The following UACA variants were observed in gnomAD, a reference collection of about 807,000 sequenced individuals.
UACA encodes the protein nuclear membrane binding protein.
In UACA, 112 loss-of-function variants were observed where a neutral mutation model predicts 160.5. That is an observed-to-expected ratio of 0.70 (90% CI 0.60 to 0.82). The LOEUF (loss-of-function observed/expected upper bound fraction) is 0.82, where lower values mean the gene tolerates loss of function less well. Among genes scored for constraint, UACA ranks in the 40% least tolerant of loss-of-function variants. UACA has a pLI of 0.00. For missense variants in UACA, 1,574 were observed against 1,614.6 expected, an observed-to-expected ratio of 0.97 and a Z score of 0.43; for synonymous variants, 557 against 568.4, an observed-to-expected ratio of 0.98 and a Z score of 0.29.
chr15:70,753,969 C>T (rs2030249617), intron 1 of UACA: 1 of 368,376 alleles, frequency 2.7e-6, no homozygotes, highest in South Asian at 2.0e-5. Context: ...CCATGCCTGG[C>T]TAATTTTTGT....
chr15:70,716,102 G>A (rs941857825), intron 1 of UACA, among the ~76,000 whole-genome samples: 5 of 152,094 alleles, frequency 3.3e-5, no homozygotes, highest in African/African-American at 1.2e-4. Flanking sequence ...CCTTGAATCC[G>A]GCCTGGACTT....
At chr15:70,688,372 A>C (rs1451295189) in intron 5 of UACA, among the ~76,000 whole-genome samples, 1 of 152,132 alleles carries the variant, frequency 6.6e-6, no homozygotes, top group Non-Finnish European at 1.5e-5. Flanking sequence ...ATTAGGAAAA[A>C]TTATTGTTAA....
intron 1 of UACA, among the ~76,000 whole-genome samples, chr15:70,742,753 TTTTG>T (rs1337630756): frequency 1.3e-5 from 2 of 152,246 alleles, no homozygotes; most frequent in Non-Finnish European, 2.9e-5. Context: ...ATAATTTTTA[TTTTG>T]TTTTTTTCAC....
chr15:70,671,065 CTTGT>C lies in UACA; in HGVS notation c.1191_1194del (p.Gln398ValfsTer25), dbSNP rs1297344563. On this transcript the variant is annotated frameshift_variant, in exon 15 of 19. Transcript: ENST00000322954. LOFTEE classifies it high-confidence loss of function. ...TGTGAGTCTGCCATATACATCTGACCTTGTTTAAGAAGCATATCTTCTTTTCCTA... is the reference window on the plus strand; with the variant it reads ...TGTGAGTCTGCCATATACATCTGACCTTAAGAAGCATATCTTCTTTTCCTA... The C allele has an allele frequency of 1.9e-6, 3 of 1,590,426 alleles. No individual in the cohort carries two copies. Among genetic ancestry groups the C allele is most frequent in the Non-Finnish European group, 2.6e-6 (3 of 1,168,230 alleles).
Position 70,685,787 on chromosome 15 carries a change from CT to C in UACA, c.603-1342del, listed in dbSNP as rs954595843. Among the ~76,000 whole-genome samples the C allele has an allele frequency of 8.0e-4, 117 of 146,628 alleles. 1 individual carries two copies. Among genetic ancestry groups the C allele is most frequent in the Middle Eastern group, 3.6e-3 (1 of 280 alleles). On this transcript the variant is annotated intron_variant, in intron 7 of 18. Coordinates refer to ENST00000322954, the MANE Select transcript of UACA (RefSeq NM_018003.4). ...TCTGTGATCCTAAAATTAAATTTAA[CT>C]TTTTTTTTTTTGAGACAAGAGTCTC... is the stretch of plus-strand genomic sequence containing the variant.
chr15:70,660,204 G>A lies in UACA; in HGVS notation c.4126C>T (p.Gln1376Ter). ...TAAATTGCAATTACTTCTTGGTGCT[G>A]TCTGTCAGCATCCTAGAAATGTGGA... ...LEQQLADADR[Q>*]HQEVIAIYRT... Residue 1376 changes from glutamine (Q) to a stop codon, truncating the protein, a stop_gained, in exon 18 of 19, where the codon CAG becomes TAG. Coordinates refer to ENST00000322954, the MANE Select transcript of UACA (RefSeq NM_018003.4). LOFTEE classifies it high-confidence loss of function. 1 of 1,613,418 alleles carries A rather than the reference G, an allele frequency of 6.2e-7. No homozygotes were observed. Among genetic ancestry groups the A allele is most frequent in the Non-Finnish European group, 8.5e-7 (1 of 1,179,552 alleles).
Position 70,763,462 on chromosome 15 carries a change from C to A in UACA, c.-55G>T. ...CCTTAAAGGCTGCGGAGTGCCAGCGCGCAAGGAGTAGACGGCAGCGGCTGC... is the reference window on the plus strand; with the variant it reads ...CCTTAAAGGCTGCGGAGTGCCAGCGAGCAAGGAGTAGACGGCAGCGGCTGC... On this transcript the variant is annotated 5_prime_UTR_variant, in exon 1 of 19. Coordinates refer to ENST00000322954, the MANE Select transcript of UACA (RefSeq NM_018003.4). 7.8e-7 allele frequency: 1 copy of A among 1,274,812 alleles called. No individual in the cohort carries two copies. Among genetic ancestry groups the A allele is most frequent in the Non-Finnish European group, 1.0e-6 (1 of 1,001,862 alleles). The allele number at this position is 1,274,812 out of a possible 1,614,324, so 79.0% of individuals were successfully genotyped here.
chr15:70,659,261 G>C (rs1896592554), intron 18 of UACA, among the ~76,000 whole-genome samples: 1 of 151,446 alleles, frequency 6.6e-6, no homozygotes, highest in Non-Finnish European at 1.5e-5. Flanking sequence ...AGAAGAGGCA[G>C]GTCTATTGAT....
chr15:70,667,691 A>G lies in UACA; in HGVS notation c.2993T>C (p.Phe998Ser). 1 of 1,613,590 alleles carries G rather than the reference A, an allele frequency of 6.2e-7. No homozygotes were observed. Among genetic ancestry groups the G allele is most frequent in the Middle Eastern group, 1.7e-4 (1 of 6,058 alleles). ...IVSFEECERK[F>S]KATEKELKDQ... ...TTTTAGTTCTTTCTCTGTTGCTTTAAATTTTCTCTCGCACTCCTCAAAGCT... is the reference window on the plus strand; with the variant it reads ...TTTTAGTTCTTTCTCTGTTGCTTTAGATTTTCTCTCGCACTCCTCAAAGCT... The change falls in exon 16 of 19, where the codon TTT becomes TCT. Residue 998 changes from phenylalanine (F) to serine (S), a missense_variant. Transcript: ENST00000322954.
chr15:70,720,199 C>T (rs1389431093), intron 1 of UACA, among the ~76,000 whole-genome samples: 4 of 152,152 alleles, frequency 2.6e-5, no homozygotes, highest in African/African-American at 9.7e-5. Flanking sequence ...TTTACTGAGG[C>T]CTCTCCAGAA....
At chr15:70,756,706 C>G (rs1448015677) in intron 1 of UACA, among the ~76,000 whole-genome samples, 1 of 152,072 alleles carries the variant, frequency 6.6e-6, no homozygotes, top group Non-Finnish European at 1.5e-5. Context: ...AACCCTGTCT[C>G]TACCAAAAAT....
chr15:70,662,078 T>C (rs985472697), intron 17 of UACA, among the ~76,000 whole-genome samples: 52 of 152,308 alleles, frequency 3.4e-4, no homozygotes, highest in African/African-American at 1.2e-3. Flanking sequence ...ATTGTCCCTG[T>C]TTGCAGATGA....
At chr15:70,776,123 G>A in the UACA span, among the ~76,000 whole-genome samples, 1 of 152,102 alleles carries the variant, frequency 6.6e-6, no homozygotes, top group South Asian at 2.1e-4. Flanking sequence ...GCATTCTTTT[G>A]TCACCTCCAA....
chr15:70,777,058 G>A, the UACA span, among the ~76,000 whole-genome samples: 1 of 152,208 alleles, frequency 6.6e-6, no homozygotes, highest in African/African-American at 2.4e-5. Flanking sequence ...ATCCAGGTGA[G>A]AAGCAATGGT....
In UACA at chr15:70,736,082, T is replaced by C. The variant is rs544885766; in HGVS notation, c.78+27248A>G. Among the ~76,000 whole-genome samples, 3 of 152,368 alleles carry C rather than the reference T, an allele frequency of 2.0e-5. No homozygotes were observed. The South Asian group carries it at 6.2e-4, about 32-fold the overall frequency. ...TTTGAATTTAATGTTGGGATTATAA[T>C]AGTAATATTATACTGATAGATGTCT... On this transcript the variant is annotated intron_variant, in intron 1 of 18. Coordinates refer to ENST00000322954, the MANE Select transcript of UACA (RefSeq NM_018003.4).
At chr15:70,679,386 G>C (rs984283082) in intron 10 of UACA, among the ~76,000 whole-genome samples, 4 of 136,838 alleles carry the variant, frequency 2.9e-5, no homozygotes, top group African/African-American at 1.1e-4. Context: ...CTGGGCAACA[G>C]AGCCAGACCC....
Position 70,668,292 on chromosome 15 carries a change from G to A in UACA, c.2392C>T (p.Arg798Cys), listed in dbSNP as rs550619844. 3.2e-5 allele frequency: 52 copies of A among 1,612,970 alleles called. No individual in the cohort carries two copies. The highest frequency in any genetic ancestry group is 6.6e-5 in the South Asian group (6 of 90,888). ...GGAGGTACAAACACAGTTTCTAGGCGGCTTACATCCTTACTTAAGCTGTCA... is the reference window on the plus strand; with the variant it reads ...GGAGGTACAAACACAGTTTCTAGGCAGCTTACATCCTTACTTAAGCTGTCA... Reference protein sequence around the residue: ...ENDSLSKDVSRLETVFVPPEK... With the variant: ...ENDSLSKDVSCLETVFVPPEK... Residue 798 changes from arginine to cysteine, a missense_variant, in exon 16 of 19, where the codon CGC becomes TGC. By Grantham distance (180) the Arg-to-Cys change is radical. Transcript: ENST00000322954.
intron 1 of UACA, among the ~76,000 whole-genome samples, chr15:70,702,527 C>A (rs1308724572): frequency 6.6e-6 from 1 of 152,052 alleles, no homozygotes; most frequent in Non-Finnish European, 1.5e-5. Flanking sequence ...ATATAAAAAC[C>A]AATTGTGTGA....
At chr15:70,753,743 C>T (rs2030232155) in intron 1 of UACA, among the ~76,000 whole-genome samples, 2 of 152,230 alleles carry the variant, frequency 1.3e-5, no homozygotes, top group South Asian at 4.1e-4. Flanking sequence ...AACTCACTAG[C>T]ATTTACTGAG....
Sources: gnomAD v4.1 joint callset for allele counts (sites outside exome capture counted in the v4.1 genomes callset) on GRCh38, gnomAD v4.1.1 for gene constraint, MANE v1.5 for transcripts, NCBI Gene and HGNC (gene_info 2026-07-23, HGNC 2026-07-21) for gene names.